GIGYF2: variants seen among roughly 807,000 people sequenced by gnomAD.
GIGYF2 encodes the protein GRB10-interacting GYF protein 2.
GIGYF2 carries 25 observed loss-of-function variants against 208.1 expected under a neutral mutation model. The observed-to-expected ratio is 0.12, with a 90% CI of 0.09 to 0.17. The LOEUF is 0.17. Among genes scored for constraint, GIGYF2 ranks in the 10% least tolerant of loss-of-function variants. GIGYF2 has a pLI of 1.00. For missense variants in GIGYF2, 1,302 were observed against 1,579.4 expected (o/e 0.82, Z 2.98); for synonymous variants, 534 against 543.8 (o/e 0.98, Z 0.25).
Position 232,833,053 on chromosome 2 carries a change from T to TGCAGCAGCA in GIGYF2, c.2736_2744dup (p.Gln915_Gln917dup). 8 of 1,554,222 alleles carry TGCAGCAGCA rather than the reference T, an allele frequency of 5.1e-6. No homozygotes were observed. The highest frequency in any genetic ancestry group is 7.0e-6 in the Non-Finnish European group (8 of 1,148,464). ...CAGCAGCAAGAGGCTCTCCGGAGGT[T>TGCAGCAGCA]GCAGCAGCAGCAGCAGCAACAACAG... On this transcript the variant is annotated inframe_insertion, in exon 22 of 29. Coordinates refer to ENST00000373563, the MANE Select transcript of GIGYF2 (RefSeq NM_001103146.3).
At position 232,739,787 on chromosome 2, in the gene GIGYF2, A is replaced by G. The variant is rs564142374; in HGVS notation, c.41+4549A>G. ...TGGTTTCTATCGTATATGCAAATGT[A>G]TCTTCAAGATATTTAAAAAACAAAT... On this transcript the variant is annotated intron_variant, in intron 3 of 28. Coordinates refer to ENST00000373563, the MANE Select transcript of GIGYF2 (RefSeq NM_001103146.3). 5.3e-5 allele frequency among the ~76,000 whole-genome samples: 8 copies of G among 152,060 alleles called. No individual in the cohort carries two copies. The South Asian group carries it at 1.5e-3, about 28-fold the overall frequency.
chr2:232,817,775 C>G (rs1421457671), intron 20 of GIGYF2, among the ~76,000 whole-genome samples: 1 of 152,226 alleles, frequency 6.6e-6, no homozygotes, highest in Non-Finnish European at 1.5e-5. Flanking sequence ...ATCCATTCCT[C>G]TGTTGATGGA....
chr2:232,712,989 A>G (rs1157191313), intron 2 of GIGYF2, among the ~76,000 whole-genome samples: 2 of 152,170 alleles, frequency 1.3e-5, no homozygotes, highest in Non-Finnish European at 2.9e-5. Context: ...CAGTACTATA[A>G]CTACTAGCCA....
At chr2:232,817,132 T>TTCTTCC in intron 20 of GIGYF2, 100 bp downstream of exon 20, 1 of 943,534 alleles carries the variant, frequency 1.1e-6, no homozygotes, top group South Asian at 1.3e-5. Context: ...GTCCACAGGA[T>TTCTTCC]TGGGGTTAGA....
chr2:232,828,396 ATGTCT>A lies in GIGYF2; in HGVS notation c.2530-4453_2530-4449del, dbSNP rs199635625. Reference sequence around the variant, plus strand: ...CTTTTTTTTTTTTTTGGTTCAGTATATGTCTTGTCTTGGTGAATTATTCCATGTGC... The same window carrying A: ...CTTTTTTTTTTTTTTGGTTCAGTATATGTCTTGGTGAATTATTCCATGTGC... On this transcript the variant is annotated intron_variant, in intron 21 of 28. Transcript: ENST00000373563. Among the ~76,000 whole-genome samples the A allele has an allele frequency of 8.8e-3, 1,299 of 148,244 alleles. 34 individuals are homozygous for A. The highest frequency in any genetic ancestry group is 0.055 in the Admixed American group (823 of 14,942).
intron 21 of GIGYF2, among the ~76,000 whole-genome samples, chr2:232,830,656 A>T (rs1701401125): frequency 6.6e-6 from 1 of 152,032 alleles, no homozygotes; most frequent in African/African-American, 2.4e-5. Flanking sequence ...GCTTTTCCCT[A>T]ATGTCCTTTT....
intron 1 of GIGYF2, among the ~76,000 whole-genome samples, chr2:232,698,037 C>T (rs1009848674): frequency 2.3e-4 from 35 of 152,182 alleles, no homozygotes; most frequent in African/African-American, 7.7e-4. Context: ...CCCATGGCAG[C>T]CTTGGGGACC....
intron 3 of GIGYF2, among the ~76,000 whole-genome samples, chr2:232,737,020 G>T (rs1697761791): frequency 6.6e-6 from 1 of 152,184 alleles, no homozygotes; most frequent in African/African-American, 2.4e-5. Context: ...GGACTGTAAA[G>T]TTTTTGTAAG....
intron 27 of GIGYF2, 136 bp downstream of exon 27, chr2:232,847,707 T>C (rs1702068827): frequency 1.7e-6 from 2 of 1,208,882 alleles, no homozygotes; most frequent in South Asian, 2.7e-5. Context: ...ATGTGTATAC[T>C]TCATATTTTC....
intron 12 of GIGYF2, among the ~76,000 whole-genome samples, chr2:232,792,463 G>T (rs1574890562): frequency 6.6e-6 from 1 of 152,162 alleles, no homozygotes; most frequent in Non-Finnish European, 1.5e-5. Context: ...TTAACTGGGT[G>T]TGATGGCACG....
chr2:232,790,641 T>A (rs1023408664), intron 9 of GIGYF2, 57 bp from the exon 10 acceptor site: 1 of 1,366,422 alleles, frequency 7.3e-7, no homozygotes, highest in Admixed American at 1.7e-5. Flanking sequence ...CCTGATTTTC[T>A]TATTCAAATA....
chr2:232,722,320 A>G (rs919688733), intron 2 of GIGYF2, among the ~76,000 whole-genome samples: 1 of 152,158 alleles, frequency 6.6e-6, no homozygotes, highest in African/African-American at 2.4e-5. Flanking sequence ...GAAGCAAGGC[A>G]CCTTCTACAC....
At chr2:232,842,729 C>T (rs1424694422) in intron 23 of GIGYF2, among the ~76,000 whole-genome samples, 1 of 152,114 alleles carries the variant, frequency 6.6e-6, no homozygotes, top group Non-Finnish European at 1.5e-5. Context: ...TGGGGACCTC[C>T]ACCCCCACCC....
At chr2:232,755,046 C>G (rs561469916) in intron 5 of GIGYF2, among the ~76,000 whole-genome samples, 1 of 152,044 alleles carries the variant, frequency 6.6e-6, no homozygotes, top group African/African-American at 2.4e-5. Context: ...TAGATGTTGA[C>G]TTCTTCAAAA....
chr2:232,699,792 T>C (rs1695763515), intron 1 of GIGYF2, among the ~76,000 whole-genome samples: 1 of 152,180 alleles, frequency 6.6e-6, no homozygotes, highest in Non-Finnish European at 1.5e-5. Flanking sequence ...ATCTGGTTAG[T>C]AAAGAATTTT....
intron 2 of GIGYF2, among the ~76,000 whole-genome samples, chr2:232,712,406 A>G (rs921883001): frequency 6.6e-6 from 1 of 152,248 alleles, no homozygotes; most frequent in Admixed American, 6.5e-5. Context: ...AATACAATTA[A>G]TAGTTTTTAT....
chr2:232,746,083 C>A (rs1698138796), intron 3 of GIGYF2, among the ~76,000 whole-genome samples: 2 of 152,032 alleles, frequency 1.3e-5, no homozygotes, highest in South Asian at 4.2e-4. Context: ...TATAGTGAGA[C>A]CCTGTCTCTA....
chr2:232,731,674 T>C (rs934127180), intron 2 of GIGYF2, among the ~76,000 whole-genome samples: 6 of 152,222 alleles, frequency 3.9e-5, no homozygotes, highest in African/African-American at 1.4e-4. Context: ...CCTGTTTTAG[T>C]TTAACAGTGG....
At chr2:232,702,127 A>G (rs1372470189) in intron 1 of GIGYF2, among the ~76,000 whole-genome samples, 2 of 152,078 alleles carry the variant, frequency 1.3e-5, no homozygotes, top group Admixed American at 6.6e-5. Flanking sequence ...AGCTGAGGGA[A>G]CAAAGCAAGA....
Sources: gnomAD v4.1 joint callset for allele counts (sites outside exome capture counted in the v4.1 genomes callset) on GRCh38, gnomAD v4.1.1 for gene constraint, MANE v1.5 for transcripts, NCBI Gene and HGNC (gene_info 2026-07-23, HGNC 2026-07-21) for gene names.